The following CNTNAP2 variants were observed in gnomAD, a reference collection of about 807,000 sequenced individuals.
CNTNAP2 encodes contactin associated protein 2.
In CNTNAP2, 98 loss-of-function variants were observed where a neutral mutation model predicts 155.2. That is an observed-to-expected ratio of 0.63 (90% CI 0.54 to 0.75). The LOEUF is 0.75. Among genes scored for constraint, CNTNAP2 ranks in the 30% least tolerant of loss-of-function variants. The pLI is 0.00. For synonymous variants in CNTNAP2, 651 were observed against 631.2 expected (o/e 1.03, Z -0.47); for missense variants, 1,727 against 1,688.1 (o/e 1.02, Z -0.40).
intron 21 of CNTNAP2, among the ~76,000 whole-genome samples, chr7:148,323,881 A>ATTT (rs35049282): frequency 1.9e-5 from 2 of 102,572 alleles, no homozygotes; most frequent in South Asian, 3.3e-4. Flanking sequence ...CTGAAGCCCC[A>ATTT]TTTTTTTTTT....
At chr7:146,255,059 G>A (rs749630161) in intron 1 of CNTNAP2, among the ~76,000 whole-genome samples, 3 of 152,084 alleles carry the variant, frequency 2.0e-5, no homozygotes, top group Admixed American at 6.6e-5. Context: ...TAGTGTGGTG[G>A]TAAGATTGGG....
At chr7:147,784,156 T>C (rs746911347) in intron 13 of CNTNAP2, among the ~76,000 whole-genome samples, 1 of 151,892 alleles carries the variant, frequency 6.6e-6, no homozygotes, top group African/African-American at 2.4e-5. Flanking sequence ...AGCAGCCATA[T>C]TGGATTATAG....
intron 2 of CNTNAP2, among the ~76,000 whole-genome samples, chr7:146,777,463 G>GA (rs1802410262): frequency 6.6e-6 from 1 of 152,154 alleles, no homozygotes; most frequent in Non-Finnish European, 1.5e-5. Flanking sequence ...ACCCTTGTTG[G>GA]CCACGTAAAT....
chr7:147,128,806 C>T lies in CNTNAP2; in HGVS notation c.1053C>T (p.Ala351=), dbSNP rs1801291896. The T allele has an allele frequency of 6.2e-7, 1 of 1,613,954 alleles. No homozygotes were observed. The highest frequency in any genetic ancestry group is 8.5e-7 in the Non-Finnish European group (1 of 1,179,932). Residue 351 remains alanine, a synonymous_variant, in exon 7 of 24, where the codon GCC becomes GCT. Coordinates refer to ENST00000361727, the MANE Select transcript of CNTNAP2 (RefSeq NM_014141.6). Reference sequence around the variant, plus strand: ...ATGGCGTCAACATTACTGATCTTGCCAGAAGGAAGAAATTAGAGCCCTCAA... The same window carrying T: ...ATGGCGTCAACATTACTGATCTTGCTAGAAGGAAGAAATTAGAGCCCTCAA... ...NYNGVNITDL[A]RRKKLEPSNV... is the part of the protein sequence containing the mutation.
chr7:146,307,712 A>T (rs1051645130), intron 1 of CNTNAP2, among the ~76,000 whole-genome samples: 5 of 152,190 alleles, frequency 3.3e-5, no homozygotes, highest in African/African-American at 1.2e-4. Flanking sequence ...CAAACCTGAC[A>T]ATAACATGAA....
chr7:147,331,900 G>C (rs964772179), intron 9 of CNTNAP2, among the ~76,000 whole-genome samples: 1 of 152,128 alleles, frequency 6.6e-6, no homozygotes, highest in Non-Finnish European at 1.5e-5. Flanking sequence ...AGCTGCTTCA[G>C]TATCTCAGAA....
chr7:146,403,774 A>G (rs1049813326), intron 1 of CNTNAP2, among the ~76,000 whole-genome samples: 1 of 152,148 alleles, frequency 6.6e-6, no homozygotes, highest in East Asian at 1.9e-4. Context: ...CTCTCCAAAC[A>G]TAGGTCTAGA....
intron 14 of CNTNAP2, among the ~76,000 whole-genome samples, chr7:147,933,850 G>A (rs1285906621): frequency 2.0e-5 from 3 of 152,088 alleles, no homozygotes; most frequent in Admixed American, 6.6e-5. Context: ...GCAACAGAGT[G>A]AGACTCTATC....
intron 13 of CNTNAP2, among the ~76,000 whole-genome samples, chr7:147,799,257 G>A (rs1039635949): frequency 2.6e-5 from 4 of 152,142 alleles, no homozygotes; most frequent in Admixed American, 6.5e-5. Flanking sequence ...AACTCCAGGA[G>A]GAAAGATGAA....
intron 13 of CNTNAP2, among the ~76,000 whole-genome samples, chr7:147,819,806 C>T (rs1017176655): frequency 2.6e-5 from 4 of 151,968 alleles, no homozygotes; most frequent in South Asian, 2.1e-4. Context: ...ATATACTCTT[C>T]GAGGTCTGAC....
At chr7:147,255,023 T>C (rs1029742027) in intron 8 of CNTNAP2, among the ~76,000 whole-genome samples, 1 of 152,196 alleles carries the variant, frequency 6.6e-6, no homozygotes, top group South Asian at 2.1e-4. Context: ...ACAACTTAGA[T>C]ATAAAATTAT....
intron 1 of CNTNAP2, among the ~76,000 whole-genome samples, chr7:146,462,841 G>T (rs73741703): frequency 6.6e-6 from 1 of 152,118 alleles, no homozygotes; most frequent in African/African-American, 2.4e-5. Flanking sequence ...CAGTTTGGGC[G>T]TCTCTCTCAT....
chr7:148,094,840 G>A (rs939942910), intron 15 of CNTNAP2, among the ~76,000 whole-genome samples: 12 of 152,174 alleles, frequency 7.9e-5, no homozygotes, highest in Non-Finnish European at 1.3e-4. Flanking sequence ...TTTGGCACTT[G>A]GCTCTAGGAA....
intron 1 of CNTNAP2, among the ~76,000 whole-genome samples, chr7:146,165,057 C>T (rs776700913): frequency 3.3e-5 from 5 of 152,094 alleles, no homozygotes; most frequent in South Asian, 2.1e-4. Flanking sequence ...GGTGCCCTTA[C>T]GAACTATAAT....
At chr7:146,934,066 T>C (rs1346877631) in intron 3 of CNTNAP2, among the ~76,000 whole-genome samples, 2 of 152,092 alleles carry the variant, frequency 1.3e-5, no homozygotes, top group Non-Finnish European at 2.9e-5. Flanking sequence ...AGAAATACCA[T>C]TTGACCCAGC....
chr7:146,345,087 T>C (rs938555674), intron 1 of CNTNAP2, among the ~76,000 whole-genome samples: 1 of 152,156 alleles, frequency 6.6e-6, no homozygotes, highest in Non-Finnish European at 1.5e-5. Context: ...CAAGTGCAAA[T>C]TGTTAAGAAA....
chr7:146,718,960 C>T (rs988355347), intron 1 of CNTNAP2, among the ~76,000 whole-genome samples: 8 of 152,092 alleles, frequency 5.3e-5, no homozygotes, highest in Non-Finnish European at 8.8e-5. Flanking sequence ...ATGTCCAATA[C>T]GCTAACTGAA....
intron 4 of CNTNAP2, chr7:147,080,926 A>C (rs1312295773): frequency 6.6e-6 from 1 of 151,972 alleles, no homozygotes; most frequent in African/African-American, 2.4e-5. Flanking sequence ...ATTAGAATAA[A>C]TGTAAAATTC....
At chr7:146,478,122 CT>C in intron 1 of CNTNAP2, among the ~76,000 whole-genome samples, 1 of 152,174 alleles carries the variant, frequency 6.6e-6, no homozygotes, top group Non-Finnish European at 1.5e-5. Context: ...GAGGTTTAGT[CT>C]GAGTTTGCGG....
Sources: allele counts gnomAD v4.1 joint callset (sites outside exome capture counted in the v4.1 genomes callset), GRCh38; gene constraint gnomAD v4.1.1; transcripts MANE v1.5; gene names NCBI Gene and HGNC (gene_info 2026-07-23, HGNC 2026-07-21).